Variants in HPRT1 observed in about 807,000 individuals in gnomAD.
The protein encoded by HPRT1 is hypoxanthine-guanine phosphoribosyltransferase.
Under a neutral mutation model 19.0 loss-of-function variants are expected in HPRT1, and 4 were observed. The observed-to-expected ratio is 0.21, with a 90% CI of 0.10 to 0.48. The LOEUF (loss-of-function observed/expected upper bound fraction) is 0.48, where lower values mean the gene tolerates loss of function less well. HPRT1 is among the 20% of genes least tolerant of loss of function. HPRT1 has a pLI of 0.98. For missense variants in HPRT1, 65 were observed against 164.0 expected, an observed-to-expected ratio of 0.40 and a Z score of 3.30; for synonymous variants, 53 against 54.9, an observed-to-expected ratio of 0.97 and a Z score of 0.15.
At chrX:134,495,162 C>T (rs1292315709) in intron 6 of HPRT1, among the ~76,000 whole-genome samples, 1 of 102,921 alleles carries the variant, frequency 9.7e-6, no homozygotes, top group Non-Finnish European at 2.0e-5. Flanking sequence ...CACCACTGCA[C>T]TCCAGCCTGG....
At chrX:134,480,627 A>AT (rs1556027813) in intron 3 of HPRT1, among the ~76,000 whole-genome samples, 160 of 104,193 alleles carry the variant, frequency 1.5e-3, no homozygotes, top group African/African-American at 5.3e-3. Flanking sequence ...AAAAAAAAAA[A>AT]TTGTAGAGAT....
At chrX:134,463,664 G>A (rs2077589970) in intron 1 of HPRT1, among the ~76,000 whole-genome samples, 1 of 111,978 alleles carries the variant, frequency 8.9e-6, no homozygotes, top group South Asian at 3.7e-4. Context: ...CAGCAGAGAA[G>A]AGTTGCCTTG....
At chrX:134,460,389 TGGC>T (rs1242516714) in intron 1 of HPRT1, 51 bp downstream of exon 1, 1 of 996,708 alleles carries the variant, frequency 1.0e-6, no homozygotes, top group Admixed American at 4.5e-5. Flanking sequence ...ACGCGGCAGG[TGGC>T]GGCCGGGCCC....
At chrX:134,486,349 C>G in intron 3 of HPRT1, 116 bp from the exon 4 acceptor site, 1 of 332,908 alleles carries the variant, frequency 3.0e-6, no homozygotes. Flanking sequence ...AGCTAGCTAA[C>G]TTCTCAAATC....
At chrX:134,467,040 G>GGT (rs1403014640) in intron 1 of HPRT1, among the ~76,000 whole-genome samples, 1 of 71,215 alleles carries the variant, frequency 1.4e-5, no homozygotes, top group East Asian at 5.3e-4. Flanking sequence ...TAGATTTTAA[G>GGT]CTTTTTTTTT....
At chrX:134,481,305 G>A (rs2077638889) in intron 3 of HPRT1, among the ~76,000 whole-genome samples, 1 of 111,713 alleles carries the variant, frequency 9.0e-6, no homozygotes, top group Admixed American at 9.6e-5. Context: ...AGTGTCTCAT[G>A]TAAGAGGGCA....
At chrX:134,495,108 A>G (rs187515150) in intron 6 of HPRT1, among the ~76,000 whole-genome samples, 2 of 107,189 alleles carry the variant, frequency 1.9e-5, no homozygotes, top group Admixed American at 2.0e-4. Flanking sequence ...GCTTCCTTGG[A>G]GGTGATATCG....
chrX:134,488,225 C>A (rs906642120), intron 4 of HPRT1, among the ~76,000 whole-genome samples: 1 of 110,312 alleles, frequency 9.1e-6, no homozygotes, highest in African/African-American at 3.3e-5. Flanking sequence ...TGCAACCTCC[C>A]CTTCCCAGTT....
In HPRT1 at chrX:134,474,999, A is replaced by G. The variant is rs936514942; in HGVS notation, c.135-182A>G. 3.7e-5 allele frequency among the ~76,000 whole-genome samples: 4 copies of G among 108,603 alleles called. No individual in the cohort carries two copies. In the Admixed American group the frequency reaches 4.0e-4, roughly 11 times the overall value. 94.3% of individuals were successfully genotyped at this position (108,603 alleles called of 115,157 possible). On this transcript the variant is annotated intron_variant, in intron 2 of 8. Transcript: ENST00000298556. ...TGCACTAAAGTGATTTTCCCACCTC[A>G]CCTCTCAAGTAGCTGGGACTACAGG...
rs2077599773 is a variant in HPRT1, at chrX:134,467,370, G to A, written c.28-5989G>A. Among the ~76,000 whole-genome samples the A allele has an allele frequency of 2.7e-5, 3 of 112,280 alleles. No individual in the cohort carries two copies. In the Admixed American group the frequency reaches 2.8e-4, roughly 11 times the overall value. On this transcript the variant is annotated intron_variant, in intron 1 of 8. Coordinates refer to ENST00000298556, the MANE Select transcript of HPRT1 (RefSeq NM_000194.3). The stretch of plus-strand genomic sequence containing the variant: ...CCCAGCTATAAGCTCTTTAAGGGTT[G>A]TAAATTTATAATCATTCTTTTACTC...
chrX:134,498,419 T>C lies in HPRT1; in HGVS notation c.515T>C (p.Val172Ala), dbSNP rs1384061953. Reference sequence around the variant, plus strand: ...CTGGTGAAAAGGACCCCACGAAGTGTTGGATATAAGCCAGACTGTAAGTGA... The same window carrying C: ...CTGGTGAAAAGGACCCCACGAAGTGCTGGATATAAGCCAGACTGTAAGTGA... ...SLLVKRTPRS[V>A]GYKPDFVGFE... The change falls in exon 7 of 9, where the codon GTT (valine) becomes GCT (alanine). Residue 172 changes from valine to alanine, a missense_variant. Val to Ala is a moderately conservative substitution (Grantham distance 64). Transcript: ENST00000298556. 7.5e-6 allele frequency: 9 copies of C among 1,203,602 alleles called. No homozygotes were observed. The highest frequency in any genetic ancestry group is 9.0e-6 in the Non-Finnish European group (8 of 888,907).
At chrX:134,495,659 C>G (rs947019465) in intron 6 of HPRT1, among the ~76,000 whole-genome samples, 1 of 111,645 alleles carries the variant, frequency 9.0e-6, no homozygotes, top group Admixed American at 9.6e-5. Context: ...ATAAAATTCA[C>G]TCTTTTAAAG....
At chrX:134,493,316 C>T (rs985284143) in intron 5 of HPRT1, among the ~76,000 whole-genome samples, 192 bp from the exon 6 acceptor site, 10 of 111,347 alleles carry the variant, frequency 9.0e-5, no homozygotes, top group African/African-American at 2.3e-4. Context: ...CTACAAAATC[C>T]AGTCCTGGGG....
At chrX:134,478,650 T>C (rs1003373780) in intron 3 of HPRT1, among the ~76,000 whole-genome samples, 2 of 111,616 alleles carry the variant, frequency 1.8e-5, no homozygotes, top group Non-Finnish European at 3.8e-5. Context: ...AAAACACAAC[T>C]GCAGAAAATT....
chrX:134,498,446 T>C lies in HPRT1; in HGVS notation c.532+10T>C. ...GGATATAAGCCAGACTGTAAGTGAA[T>C]TACTTTTTTTGTCAATCATTTAACC... On this transcript the variant is annotated intron_variant, in intron 7 of 8. Transcript: ENST00000298556. 8.4e-7 allele frequency: 1 copy of C among 1,189,561 alleles called. No individual in the cohort carries two copies. Among genetic ancestry groups the C allele is most frequent in the Non-Finnish European group, 1.1e-6 (1 of 874,955 alleles).
chrX:134,477,019 A>G (rs17878536), intron 3 of HPRT1, among the ~76,000 whole-genome samples: 1 of 51,883 alleles, frequency 1.9e-5, no homozygotes, highest in Non-Finnish European at 3.0e-5. Context: ...TGATATGTTT[A>G]TTTTATTTTA....
chrX:134,492,761 C>G (rs747859505), intron 5 of HPRT1, among the ~76,000 whole-genome samples: 2 of 111,797 alleles, frequency 1.8e-5, no homozygotes, highest in Non-Finnish European at 3.8e-5. Flanking sequence ...GGGAACCCTT[C>G]TGTGTGTGTA....
intron 6 of HPRT1, among the ~76,000 whole-genome samples, chrX:134,494,147 T>G (rs745763940): frequency 5.1e-4 from 57 of 112,267 alleles, no homozygotes; most frequent in African/African-American, 1.7e-3. Flanking sequence ...TTATTCCCAC[T>G]TTTCAGATAA....
intron 3 of HPRT1, among the ~76,000 whole-genome samples, chrX:134,479,139 G>A (rs1283590413): frequency 8.9e-6 from 1 of 111,840 alleles, no homozygotes; most frequent in African/African-American, 3.2e-5. Context: ...TTGAACCCAG[G>A]AGTTCAAGAC....
Sources: allele counts gnomAD v4.1 joint callset (sites outside exome capture counted in the v4.1 genomes callset), GRCh38; gene constraint gnomAD v4.1.1; transcripts MANE v1.5; gene names NCBI Gene and HGNC (gene_info 2026-07-23, HGNC 2026-07-21).